The following RAB31 variants were observed in gnomAD, a reference collection of about 807,000 sequenced individuals.
RAB31 encodes ras-related protein Rab-31.
RAB31 carries 21 observed loss-of-function variants against 25.6 expected under a neutral mutation model. The ratio of observed to expected loss-of-function variants is 0.82; its 90% CI spans 0.58 to 1.18. RAB31 has a LOEUF of 1.18. Ranked by LOEUF, RAB31 falls within the 50% of genes most tolerant of loss-of-function variation. RAB31 has a pLI of 0.00. For missense variants in RAB31, 196 were observed against 250.1 expected (o/e 0.78, Z 1.46); for synonymous variants, 87 against 84.0 (o/e 1.04, Z -0.20).
intron 1 of RAB31, among the ~76,000 whole-genome samples, chr18:9,762,733 T>C (rs933653085): frequency 6.6e-6 from 1 of 152,130 alleles, no homozygotes; most frequent in Non-Finnish European, 1.5e-5. Context: ...TCTTCCCCAT[T>C]TAAAAGTCGT....
intron 2 of RAB31, among the ~76,000 whole-genome samples, chr18:9,779,270 G>A (rs1399272334): frequency 6.6e-6 from 1 of 152,134 alleles, no homozygotes; most frequent in Non-Finnish European, 1.5e-5. Flanking sequence ...TTTATACTAT[G>A]TAGAAATATA....
Position 9,766,301 on chromosome 18 carries a change from C to T in RAB31, c.40-8977C>T, listed in dbSNP as rs895429423. Among the ~76,000 whole-genome samples, 3 of 152,238 alleles carry T rather than the reference C, an allele frequency of 2.0e-5. No individual in the cohort carries two copies. The highest frequency in any genetic ancestry group is 7.2e-5 in the African/African-American group (3 of 41,468). On this transcript the variant is annotated intron_variant, in intron 1 of 6. Transcript: ENST00000578921. This position sits in a 1 kb window ranked among gnomAD's most constrained non-coding sequence, Gnocchi z 4.3. ...GAGGCGCCTTCCTGCGTGACCTCAT[C>T]TCTGCATCTGCGAGCTCCATCTGCC...
intron 1 of RAB31, among the ~76,000 whole-genome samples, chr18:9,752,137 G>C (rs1437148001): frequency 1.3e-5 from 2 of 152,182 alleles, no homozygotes; most frequent in East Asian, 3.9e-4. Context: ...CCCAGCCTCT[G>C]CGTGGAAGGA....
chr18:9,840,810 A>G (rs550464048), intron 5 of RAB31, among the ~76,000 whole-genome samples: 3 of 152,314 alleles, frequency 2.0e-5, no homozygotes, highest in African/African-American at 7.2e-5. Context: ...GGGGTCTCCT[A>G]TGACCTCTCC....
chr18:9,783,355 T>G (rs987811731), intron 2 of RAB31, among the ~76,000 whole-genome samples: 4 of 152,104 alleles, frequency 2.6e-5, no homozygotes, highest in Non-Finnish European at 5.9e-5. Context: ...AACCAGGCAG[T>G]CTTCTGGGAT....
chr18:9,742,434 A>T (rs935703875), intron 1 of RAB31, among the ~76,000 whole-genome samples: 1 of 152,232 alleles, frequency 6.6e-6, no homozygotes, highest in Admixed American at 6.5e-5. Context: ...TCAAGCCGAC[A>T]GGAAGGGGCC....
intron 5 of RAB31, among the ~76,000 whole-genome samples, chr18:9,840,973 G>A (rs1257401348): frequency 1.3e-5 from 2 of 152,076 alleles, no homozygotes; most frequent in Admixed American, 6.5e-5. Context: ...TGTTACCCAA[G>A]CGAGAGTGCA....
At chr18:9,752,081 A>T (rs532725495) in intron 1 of RAB31, among the ~76,000 whole-genome samples, 35 of 152,232 alleles carry the variant, frequency 2.3e-4, no homozygotes, top group Admixed American at 5.9e-4. Context: ...GGAGTAAAAG[A>T]GGCTGCCTCC....
chr18:9,795,302 G>A (rs1040689691), intron 3 of RAB31, among the ~76,000 whole-genome samples: 4 of 152,114 alleles, frequency 2.6e-5, no homozygotes, highest in Non-Finnish European at 5.9e-5. Context: ...AGATAACATT[G>A]GAGAAGCCCT....
At chr18:9,763,555 T>G (rs1760387438) in intron 1 of RAB31, among the ~76,000 whole-genome samples, 1 of 149,598 alleles carries the variant, frequency 6.7e-6, no homozygotes, top group African/African-American at 2.5e-5. Context: ...GAAGAAAATC[T>G]CCAAATTCAG....
At position 9,708,412 on chromosome 18, in the gene RAB31, G is replaced by A. The variant is rs1370678748; in HGVS notation, c.7G>A (p.Ala3Thr). 6.4e-7 allele frequency: 1 copy of A among 1,567,650 alleles called. No individual in the cohort carries two copies. The highest frequency in any genetic ancestry group is 8.6e-7 in the Non-Finnish European group (1 of 1,158,420). Residue 3 changes from alanine (A) to threonine (T), a missense_variant, in exon 1 of 7, where the codon GCG (alanine) becomes ACG (threonine). Transcript: ENST00000578921. This position sits in a 1 kb window ranked among gnomAD's most constrained non-coding sequence, Gnocchi z 6.4. The stretch of plus-strand genomic sequence containing the variant: ...ACTGCCTGGCTGCGAGCACATGATG[G>A]CGATACGGGAGCTCAAAGTGTGCCT... MM[A>T]IRELKVCLLG...
chr18:9,773,994 T>C (rs2068359090), intron 1 of RAB31, among the ~76,000 whole-genome samples: 1 of 152,172 alleles, frequency 6.6e-6, no homozygotes, highest in South Asian at 2.1e-4. Context: ...GGTTGTATTC[T>C]CAACGATCTT....
At position 9,830,221 on chromosome 18, in the gene RAB31, A is replaced by G. The variant is rs533018793; in HGVS notation, c.380+14999A>G. 7 of 152,212 alleles carry G rather than the reference A, an allele frequency of 4.6e-5. No homozygotes were observed. The South Asian group carries it at 1.5e-3, about 32-fold the overall frequency. The allele number at this position is 152,212 out of a possible 1,614,324, so 9.4% of individuals were successfully genotyped here. A position where few individuals can be genotyped will look rare whatever the true frequency, so the allele number is the denominator to read the frequency against. On this transcript the variant is annotated intron_variant, in intron 5 of 6. Transcript: ENST00000578921. ...GAGATGGGGGTGTTGCTATATTGCC[A>G]AGGCTGGTCTCAAACTTCTGGCCTC...
At chr18:9,727,513 G>A (rs928398805) in intron 1 of RAB31, among the ~76,000 whole-genome samples, 2 of 152,090 alleles carry the variant, frequency 1.3e-5, no homozygotes, top group Admixed American at 6.6e-5. Context: ...CAGTGTTCTC[G>A]TTATGTTGTC....
chr18:9,768,790 G>C lies in RAB31; in HGVS notation c.40-6488G>C, dbSNP rs1426106774. Among the ~76,000 whole-genome samples the C allele has an allele frequency of 2.0e-5, 3 of 152,142 alleles. No individual in the cohort carries two copies. The East Asian group carries it at 5.8e-4, about 29-fold the overall frequency. ...TTTGCCCATGCCTATGTCCTGAATG[G>C]TATTGCCTAGGTTTCTTCTAGGGTT... On this transcript the variant is annotated intron_variant, in intron 1 of 6. Coordinates refer to ENST00000578921, the MANE Select transcript of RAB31 (RefSeq NM_006868.4).
In RAB31 at chr18:9,751,057, C is replaced by G. The variant is rs117635684; in HGVS notation, c.40-24221C>G. Among the ~76,000 whole-genome samples, 1,249 of 152,218 alleles carry G rather than the reference C, an allele frequency of 8.2e-3. 11 individuals carry two copies. Among genetic ancestry groups the G allele is most frequent in the Admixed American group, 0.038 (584 of 15,282 alleles). On this transcript the variant is annotated intron_variant, in intron 1 of 6. Coordinates refer to ENST00000578921, the MANE Select transcript of RAB31 (RefSeq NM_006868.4). Reference sequence around the variant, plus strand: ...TTTTTTAATTTTAGTCTTTTTGAGACAGAGTCTCGCATGGTCACCCGGGCT... The same window carrying G: ...TTTTTTAATTTTAGTCTTTTTGAGAGAGAGTCTCGCATGGTCACCCGGGCT...
chr18:9,724,486 A>G (rs2068088466), intron 1 of RAB31, among the ~76,000 whole-genome samples: 1 of 152,084 alleles, frequency 6.6e-6, no homozygotes, highest in Non-Finnish European at 1.5e-5. Flanking sequence ...AAGTAGTTAC[A>G]CTCTACTTGT....
intron 5 of RAB31, among the ~76,000 whole-genome samples, chr18:9,824,727 A>G (rs2068641642): frequency 6.6e-6 from 1 of 152,196 alleles, no homozygotes; most frequent in Admixed American, 6.5e-5. Flanking sequence ...AGGCATTCAG[A>G]GGCATCCGGT....
At chr18:9,719,307 A>G (rs2068061605) in intron 1 of RAB31, among the ~76,000 whole-genome samples, 1 of 41,364 alleles carries the variant, frequency 2.4e-5, no homozygotes, top group Non-Finnish European at 5.8e-5. Flanking sequence ...AAATATATAT[A>G]TATATATATA....
Sources: gnomAD v4.1 joint callset for allele counts (sites outside exome capture counted in the v4.1 genomes callset) on GRCh38, gnomAD v4.1.1 for gene constraint, Gnocchi (gnomAD v3.1) non-coding constraint, MANE v1.5 for transcripts, NCBI Gene and HGNC (gene_info 2026-07-23, HGNC 2026-07-21) for gene names.